Variants in BMPR1B observed in about 807,000 individuals in gnomAD.
The protein encoded by BMPR1B is bone morphogenetic protein receptor type 1B.
Under a neutral mutation model 59.1 loss-of-function variants are expected in BMPR1B, and 12 were observed. The observed-to-expected ratio is 0.20, with a 90% confidence interval of 0.13 to 0.33. The LOEUF is 0.33. Among genes scored for constraint, BMPR1B ranks in the 10% least tolerant of loss-of-function variants. The probability of loss-of-function intolerance (pLI) is 1.00; values close to 1 mark genes in which losing one functional copy is unlikely to be tolerated. For missense variants in BMPR1B, 550 were observed against 610.9 expected (o/e 0.90, Z 1.05); for synonymous variants, 237 against 207.3 (o/e 1.14, Z -1.23).
At position 94,876,158 on chromosome 4, in the gene BMPR1B, G is replaced by C. The variant is rs114050799; in HGVS notation, c.-113+258G>C. 6.5e-3 allele frequency among the ~76,000 whole-genome samples: 996 copies of C among 152,194 alleles called. 1 individual carries two copies. Among genetic ancestry groups the C allele is most frequent in the Non-Finnish European group, 0.011 (753 of 67,990 alleles). ...ACTTGTGCTTTTCATTTGAAATGTT[G>C]GCCTACACACTTAGTCTGTTCCTCA... is the stretch of plus-strand genomic sequence containing the variant. On this transcript the variant is annotated intron_variant, in intron 2 of 12. Coordinates refer to ENST00000515059, the MANE Select transcript of BMPR1B (RefSeq NM_001203.3).
At chr4:95,070,973 C>T (rs185693186) in intron 3 of BMPR1B, among the ~76,000 whole-genome samples, 1 of 152,026 alleles carries the variant, frequency 6.6e-6, no homozygotes, top group South Asian at 2.1e-4. Flanking sequence ...ACTTTTTCTT[C>T]TTCCTTTAGT....
At chr4:95,115,983 A>T (rs1312712681) in intron 6 of BMPR1B, among the ~76,000 whole-genome samples, 196 bp downstream of exon 6, 1 of 152,186 alleles carries the variant, frequency 6.6e-6, no homozygotes, top group Non-Finnish European at 1.5e-5. Context: ...ATGTGACTTC[A>T]CTTTTATGAT....
At chr4:94,868,210 C>T (rs1400832037) in intron 1 of BMPR1B, among the ~76,000 whole-genome samples, 3 of 151,418 alleles carry the variant, frequency 2.0e-5, no homozygotes, top group Non-Finnish European at 4.4e-5. Flanking sequence ...ACTCAGTCAC[C>T]CAGACAGGAG....
chr4:94,864,776 A>G (rs1726145920), intron 1 of BMPR1B, among the ~76,000 whole-genome samples: 1 of 152,088 alleles, frequency 6.6e-6, no homozygotes, highest in African/African-American at 2.4e-5. Flanking sequence ...AATGACAAGG[A>G]AAAAAAGTCT....
intron 7 of BMPR1B, 60 bp downstream of exon 7, chr4:95,123,966 A>C (rs976278878): frequency 8.2e-7 from 1 of 1,223,698 alleles, no homozygotes; most frequent in African/African-American, 1.5e-5. Context: ...TTTTACTAAT[A>C]TTCTGCTTTT....
intron 2 of BMPR1B, among the ~76,000 whole-genome samples, chr4:94,962,628 G>T (rs942832326): frequency 6.6e-6 from 1 of 152,028 alleles, no homozygotes; most frequent in South Asian, 2.1e-4. Context: ...ATGTCCTCCA[G>T]TTCCATCCAT....
At chr4:94,954,897 G>A (rs1730082936) in intron 2 of BMPR1B, among the ~76,000 whole-genome samples, 1 of 151,944 alleles carries the variant, frequency 6.6e-6, no homozygotes, top group Non-Finnish European at 1.5e-5. Flanking sequence ...CTCTTTTACT[G>A]GTAATTCTTA....
At chr4:95,042,310 A>C (rs1184570105) in intron 3 of BMPR1B, among the ~76,000 whole-genome samples, 1 of 152,210 alleles carries the variant, frequency 6.6e-6, no homozygotes, top group African/African-American at 2.4e-5. Flanking sequence ...ATAATGTACA[A>C]ATTGAGAGTC....
chr4:94,761,447 GTGTGTGT>G (rs1424628663), intron 1 of BMPR1B, among the ~76,000 whole-genome samples: 126 of 149,546 alleles, frequency 8.4e-4, no homozygotes, highest in Non-Finnish European at 8.9e-5. Flanking sequence ...GTGTGTGTGT[GTGTGTGT>G]GTGTGTGTTG....
intron 3 of BMPR1B, among the ~76,000 whole-genome samples, chr4:95,069,835 C>G (rs977152099): frequency 1.3e-5 from 2 of 152,188 alleles, no homozygotes; most frequent in Non-Finnish European, 2.9e-5. Flanking sequence ...CGTGATGGCT[C>G]ACGCCTGTAA....
At chr4:95,031,126 C>T (rs949576235) in intron 3 of BMPR1B, among the ~76,000 whole-genome samples, 4 of 152,242 alleles carry the variant, frequency 2.6e-5, no homozygotes, top group Admixed American at 6.5e-5. Context: ...AACTATACTA[C>T]AAGGCTACAG....
intron 1 of BMPR1B, among the ~76,000 whole-genome samples, chr4:94,794,162 T>G (rs1207982486): frequency 1.4e-5 from 2 of 139,080 alleles, no homozygotes; most frequent in East Asian, 2.0e-4. Flanking sequence ...GTCTAAGGTT[T>G]AAGTCTTTAA....
chr4:94,817,635 C>T (rs1194643611), intron 1 of BMPR1B, among the ~76,000 whole-genome samples: 1 of 152,064 alleles, frequency 6.6e-6, no homozygotes, highest in Non-Finnish European at 1.5e-5. Flanking sequence ...ATTGATGGAC[C>T]TGTGCCTGTG....
chr4:94,860,994 A>T (rs1321967955), intron 1 of BMPR1B, among the ~76,000 whole-genome samples: 2 of 148,920 alleles, frequency 1.3e-5, no homozygotes, highest in Non-Finnish European at 3.0e-5. Flanking sequence ...GTTGGCTTTT[A>T]TATGTCTTTC....
intron 2 of BMPR1B, among the ~76,000 whole-genome samples, chr4:94,959,941 C>A (rs116666276): frequency 0.043 from 6,492 of 152,158 alleles, 350 homozygotes; most frequent in African/African-American, 0.12. Flanking sequence ...AAATGTTAAT[C>A]GAATTATCTG....
intron 2 of BMPR1B, among the ~76,000 whole-genome samples, chr4:94,984,855 A>G (rs932567307): frequency 6.6e-6 from 1 of 152,222 alleles, no homozygotes; most frequent in Non-Finnish European, 1.5e-5. Context: ...ACAGCAAGCA[A>G]TGAAAGCAGT....
intron 3 of BMPR1B, among the ~76,000 whole-genome samples, chr4:95,017,531 G>C (rs1240345233): frequency 6.6e-6 from 1 of 152,232 alleles, no homozygotes; most frequent in Non-Finnish European, 1.5e-5. Flanking sequence ...ACCCCAGTGT[G>C]CCACAAAGTT....
chr4:94,807,830 G>A (rs1270032212), intron 1 of BMPR1B, among the ~76,000 whole-genome samples: 1 of 151,988 alleles, frequency 6.6e-6, no homozygotes, highest in Non-Finnish European at 1.5e-5. Context: ...GATTACAGGC[G>A]CCTGCCACCA....
chr4:94,967,850 T>TA (rs146073132), intron 2 of BMPR1B, among the ~76,000 whole-genome samples: 3,234 of 152,200 alleles, frequency 0.021, 125 homozygotes, highest in African/African-American at 0.073. Flanking sequence ...CTTCACTTAA[T>TA]AAAACAGTAA....
Sources: allele counts gnomAD v4.1 joint callset (sites outside exome capture counted in the v4.1 genomes callset), GRCh38; gene constraint gnomAD v4.1.1; transcripts MANE v1.5; gene names NCBI Gene and HGNC (gene_info 2026-07-23, HGNC 2026-07-21).